The following TRIP4 variants were observed in gnomAD, a reference collection of about 807,000 sequenced individuals.
TRIP4 encodes the protein thyroid hormone receptor interactor 4.
In TRIP4, 54 loss-of-function variants were observed where a neutral mutation model predicts 81.8. The ratio of observed to expected loss-of-function variants is 0.66; its 90% CI spans 0.53 to 0.83. TRIP4 has a LOEUF of 0.83. TRIP4 is among the 40% of genes least tolerant of loss of function. The pLI is 0.00. For synonymous variants in TRIP4, 270 were observed against 242.8 expected, an observed-to-expected ratio of 1.11 and a Z score of -1.04; for missense variants, 662 against 683.6, an observed-to-expected ratio of 0.97 and a Z score of 0.35.
In TRIP4 at chr15:64,425,625, G is replaced by A; in HGVS notation, c.1569G>A (p.Lys523=). 6.2e-7 allele frequency: 1 copy of A among 1,610,156 alleles called. No homozygotes were observed. The highest frequency in any genetic ancestry group is 1.1e-5 in the South Asian group (1 of 90,342). ...ACTGCTTGTCCCAGAAGCAATTTAA[G>A]GAGCAGGTGAGTAAAGAATACTTTT... ...LIDCLSQKQF[K]EQFPDISQES... Residue 523 remains lysine (K), a synonymous_variant, in exon 11 of 13, where the codon AAG becomes AAA. Coordinates refer to ENST00000261884, the MANE Select transcript of TRIP4 (RefSeq NM_016213.5).
intron 11 of TRIP4, among the ~76,000 whole-genome samples, chr15:64,428,399 G>A (rs1892196273): frequency 6.6e-6 from 1 of 152,064 alleles, no homozygotes; most frequent in Admixed American, 6.6e-5. Context: ...AACTTATATT[G>A]TATCTCATTT....
intron 4 of TRIP4, among the ~76,000 whole-genome samples, chr15:64,399,684 T>C (rs1025078390): frequency 6.6e-6 from 1 of 152,004 alleles, no homozygotes; most frequent in Non-Finnish European, 1.5e-5. Context: ...GTATTTTTAG[T>C]AGAGACAGGG....
intron 10 of TRIP4, 97 bp downstream of exon 10, chr15:64,424,252 G>T (rs1266658226): frequency 6.6e-7 from 1 of 1,520,334 alleles, no homozygotes; most frequent in South Asian, 1.2e-5. Flanking sequence ...CTTTTTCTTT[G>T]TTAAAAGAGA....
intron 12 of TRIP4, among the ~76,000 whole-genome samples, chr15:64,454,600 T>C (rs529196072): frequency 0.013 from 1,976 of 152,292 alleles, 33 homozygotes; most frequent in African/African-American, 0.046. Context: ...TGAAGGTTCA[T>C]GCATTATGCT....
intron 12 of TRIP4, among the ~76,000 whole-genome samples, chr15:64,449,984 C>A (rs1300732365): frequency 6.6e-6 from 1 of 152,108 alleles, no homozygotes; most frequent in South Asian, 2.1e-4. Context: ...AACACTGAAA[C>A]GATTAGGTAC....
intron 5 of TRIP4, among the ~76,000 whole-genome samples, chr15:64,402,668 C>T (rs1189398894): frequency 4.6e-5 from 7 of 151,616 alleles, no homozygotes; most frequent in African/African-American, 1.7e-4. Flanking sequence ...GGATTACAAG[C>T]GCATGCCACC....
chr15:64,396,821 A>G (rs566704641), intron 3 of TRIP4, among the ~76,000 whole-genome samples: 4 of 152,240 alleles, frequency 2.6e-5, no homozygotes, highest in African/African-American at 4.8e-5. Context: ...TAGAACATGC[A>G]TATGTTCAAC....
At chr15:64,436,376 G>A (rs930122271) in intron 11 of TRIP4, among the ~76,000 whole-genome samples, 1 of 151,800 alleles carries the variant, frequency 6.6e-6, no homozygotes, top group African/African-American at 2.4e-5. Flanking sequence ...GGCAGATCAC[G>A]AGGTCAGGAG....
intron 5 of TRIP4, among the ~76,000 whole-genome samples, chr15:64,401,924 C>T (rs1385939385): frequency 1.3e-5 from 2 of 152,042 alleles, no homozygotes; most frequent in South Asian, 2.1e-4. Flanking sequence ...ATTGAAGAAA[C>T]GTCACAGATC....
chr15:64,405,397 G>A lies in TRIP4; in HGVS notation c.698-933G>A, dbSNP rs565624378. 1.3e-4 allele frequency among the ~76,000 whole-genome samples: 20 copies of A among 150,894 alleles called. No homozygotes were observed. The South Asian group carries it at 4.2e-3, about 32-fold the overall frequency. ...TCTCGATCTCCTGACCTCATGATCCGCCCGCCTCAGCCTCCCAAAGTGCTG... is the reference window on the plus strand; with the variant it reads ...TCTCGATCTCCTGACCTCATGATCCACCCGCCTCAGCCTCCCAAAGTGCTG... On this transcript the variant is annotated intron_variant, in intron 5 of 12. Coordinates refer to ENST00000261884, the MANE Select transcript of TRIP4 (RefSeq NM_016213.5).
chr15:64,450,480 G>A (rs1012515362), intron 12 of TRIP4, among the ~76,000 whole-genome samples: 2 of 151,258 alleles, frequency 1.3e-5, no homozygotes, highest in Non-Finnish European at 2.9e-5. Context: ...TTGAGTTCCT[G>A]CAATCTAAGG....
chr15:64,425,559 C>T lies in TRIP4; in HGVS notation c.1503C>T (p.Asp501=), dbSNP rs750287498. 6.2e-7 allele frequency: 1 copy of T among 1,611,510 alleles called. No homozygotes were observed. Among genetic ancestry groups the T allele is most frequent in the Admixed American group, 1.7e-5 (1 of 59,482 alleles). Residue 501 remains aspartate (D), a synonymous_variant, in exon 11 of 13, where the codon GAC becomes GAT. Coordinates refer to ENST00000261884, the MANE Select transcript of TRIP4 (RefSeq NM_016213.5). ...LRGKDVEFPN[D]YPSGCLLGCV... is the part of the protein sequence containing the mutation. ...ATTCAGATGTGGAATTTCCTAATGACTATCCGTCAGGTTGTCTTCTGGGCT... is the reference window on the plus strand; with the variant it reads ...ATTCAGATGTGGAATTTCCTAATGATTATCCGTCAGGTTGTCTTCTGGGCT...
intron 1 of TRIP4, among the ~76,000 whole-genome samples, chr15:64,389,343 T>A (rs1900047390): frequency 6.6e-6 from 1 of 152,128 alleles, no homozygotes; most frequent in Non-Finnish European, 1.5e-5. Flanking sequence ...TTAATGGATT[T>A]TTTTGAGGCC....
Position 64,446,838 on chromosome 15 carries a change from C to T in TRIP4, c.1678+1730C>T, listed in dbSNP as rs139083359. The stretch of plus-strand genomic sequence containing the variant: ...GCATATAGTGGGCCGGGCGTGGTGG[C>T]TCACGCCTGTAATCCCAACACTTTG... On this transcript the variant is annotated intron_variant, in intron 12 of 12. Coordinates refer to ENST00000261884, the MANE Select transcript of TRIP4 (RefSeq NM_016213.5). Among the ~76,000 whole-genome samples the T allele has an allele frequency of 8.3e-3, 1,266 of 152,018 alleles. 16 individuals are homozygous for T. Among genetic ancestry groups the T allele is most frequent in the African/African-American group, 0.029 (1,210 of 41,500 alleles).
At chr15:64,399,999 G>GA (rs1364953380) in intron 4 of TRIP4, among the ~76,000 whole-genome samples, 4 of 149,748 alleles carry the variant, frequency 2.7e-5, no homozygotes, top group African/African-American at 7.3e-5. Context: ...AAGAAAAAAA[G>GA]AAAAAATAAC....
chr15:64,400,905 A>C, intron 5 of TRIP4, 84 bp downstream of exon 5: 1 of 1,108,370 alleles, frequency 9.0e-7, no homozygotes, highest in Non-Finnish European at 1.3e-6. Context: ...TGTATCCTGG[A>C]GTGCAAGATG....
chr15:64,451,615 G>T (rs184935548), intron 12 of TRIP4, among the ~76,000 whole-genome samples: 1 of 151,286 alleles, frequency 6.6e-6, no homozygotes, highest in East Asian at 1.9e-4. Flanking sequence ...GGGACTATAG[G>T]CCTGCACCAC....
intron 11 of TRIP4, among the ~76,000 whole-genome samples, chr15:64,437,687 T>C (rs887456454): frequency 6.6e-6 from 1 of 151,952 alleles, no homozygotes; most frequent in African/African-American, 2.4e-5. Context: ...TAGAGATGGG[T>C]TTTGCCATGT....
At chr15:64,409,544 C>T in intron 6 of TRIP4, 69 bp from the exon 7 acceptor site, 1 of 1,451,606 alleles carries the variant, frequency 6.9e-7, no homozygotes, top group Non-Finnish European at 9.6e-7. Flanking sequence ...TACCTTGAAA[C>T]TGTTTTCCAA....
Sources: gnomAD v4.1 joint callset for allele counts (sites outside exome capture counted in the v4.1 genomes callset) on GRCh38, gnomAD v4.1.1 for gene constraint, MANE v1.5 for transcripts, NCBI Gene and HGNC (gene_info 2026-07-23, HGNC 2026-07-21) for gene names.